Variants in MYO3B observed in about 807,000 individuals in gnomAD.
MYO3B encodes myosin IIIB, also known as myosin-IIIb.
A neutral mutation model predicts 174.6 loss-of-function variants in MYO3B; 156 were observed. That is an observed-to-expected ratio of 0.89 (90% confidence interval 0.78 to 1.02). The LOEUF (loss-of-function observed/expected upper bound fraction) is 1.02, where lower values mean the gene tolerates loss of function less well. MYO3B is among the 50% of genes least tolerant of loss of function. The pLI is 0.00. For missense variants in MYO3B, 1,632 were observed against 1,639.4 expected, an observed-to-expected ratio of 1.00 and a Z score of 0.08; for synonymous variants, 563 against 569.1, an observed-to-expected ratio of 0.99 and a Z score of 0.15.
chr2:170,595,571 T>C (rs943128301), intron 32 of MYO3B, among the ~76,000 whole-genome samples: 1 of 152,124 alleles, frequency 6.6e-6, no homozygotes, highest in African/African-American at 2.4e-5. Context: ...CCTGAGTAGC[T>C]GGGACCAGGT....
chr2:170,491,624 ACCCC>A (rs1228942246), intron 25 of MYO3B, among the ~76,000 whole-genome samples: 4 of 151,774 alleles, frequency 2.6e-5, no homozygotes, highest in Admixed American at 2.6e-4. Flanking sequence ...ACGGGGTTTC[ACCCC>A]CTTAGCCAGG....
rs762275495 is a variant in MYO3B, at chr2:170,400,270, A to G, written c.1874A>G (p.Gln625Arg). 2.5e-6 allele frequency: 4 copies of G among 1,614,154 alleles called. No individual in the cohort carries two copies. The South Asian group carries it at 4.4e-5, about 18-fold the overall frequency. Residue 625 changes from glutamine to arginine, a missense_variant, in exon 17 of 35, where the codon CAG (glutamine) becomes CGG (arginine). By Grantham distance (43) the Gln-to-Arg change is conservative. Coordinates refer to ENST00000408978, the MANE Select transcript of MYO3B (RefSeq NM_138995.5). ...IEFAAISSQH[Q>R]TDKSEVPNAE... ...TTCGCAGCTATTTCCTCTCAACATC[A>G]GACTGATAAAAGTGAGGTGCCCAAT...
At chr2:170,353,888 C>G (rs926642786) in intron 8 of MYO3B, among the ~76,000 whole-genome samples, 5 of 152,026 alleles carry the variant, frequency 3.3e-5, no homozygotes, top group African/African-American at 9.7e-5. Context: ...GCTAGCAAAG[C>G]CAGATCAATA....
intron 32 of MYO3B, among the ~76,000 whole-genome samples, chr2:170,557,161 A>C (rs1691377419): frequency 1.6e-5 from 2 of 128,466 alleles, no homozygotes; most frequent in Admixed American, 8.4e-5. Flanking sequence ...TTTTTTTGAG[A>C]CGGAGTCTCG....
At position 170,214,882 on chromosome 2, in the gene MYO3B, A is replaced by G; in HGVS notation, c.526+54A>G. 2 of 1,339,614 alleles carry G rather than the reference A, an allele frequency of 1.5e-6. 1 individual carries two copies. Among genetic ancestry groups the G allele is most frequent in the South Asian group, 2.4e-5 (2 of 84,436 alleles). The allele number at this position is 1,339,614 out of a possible 1,614,324, so 83.0% of individuals were successfully genotyped here. ...GACGTGTGCAGTTTAGCCAAAGGGG[A>G]CAATTTATTGCAATCTCAGAAGACT... On this transcript the variant is annotated intron_variant, in intron 5 of 34. Transcript: ENST00000408978.
chr2:170,529,455 T>C (rs900774369), intron 30 of MYO3B, among the ~76,000 whole-genome samples: 3 of 148,998 alleles, frequency 2.0e-5, no homozygotes, highest in African/African-American at 4.9e-5. Context: ...CCTTCTTCCT[T>C]TTTTTTCTTT....
chr2:170,619,620 G>A (rs902674325), intron 32 of MYO3B, among the ~76,000 whole-genome samples: 13 of 151,734 alleles, frequency 8.6e-5, no homozygotes, highest in Non-Finnish European at 1.5e-4. Flanking sequence ...ACAGGACTGC[G>A]TTACCATGTG....
intron 1 of MYO3B, among the ~76,000 whole-genome samples, chr2:170,185,065 C>T (rs2092446467): frequency 6.6e-6 from 1 of 151,928 alleles, no homozygotes; most frequent in Admixed American, 6.6e-5. Context: ...CTTATATATT[C>T]TCATTATTAA....
At chr2:170,394,834 G>A (rs1236642188) in intron 16 of MYO3B, among the ~76,000 whole-genome samples, 1 of 152,188 alleles carries the variant, frequency 6.6e-6, no homozygotes, top group Non-Finnish European at 1.5e-5. Flanking sequence ...AAAAAGTAGT[G>A]TGACTAAATT....
At chr2:170,336,574 A>T (rs1447957844) in intron 8 of MYO3B, among the ~76,000 whole-genome samples, 2 of 152,130 alleles carry the variant, frequency 1.3e-5, no homozygotes, top group Admixed American at 6.6e-5. Context: ...TTTGATGGTA[A>T]CATATGACCT....
chr2:170,253,328 A>G (rs2093273471), intron 7 of MYO3B, among the ~76,000 whole-genome samples: 1 of 152,214 alleles, frequency 6.6e-6, no homozygotes, highest in Admixed American at 6.5e-5. Flanking sequence ...GAAAATCTCA[A>G]GATTTTTGGC....
At chr2:170,242,444 G>A (rs368847128) in intron 7 of MYO3B, among the ~76,000 whole-genome samples, 2 of 152,298 alleles carry the variant, frequency 1.3e-5, no homozygotes, top group African/African-American at 4.8e-5. Flanking sequence ...GTAGCTGGAG[G>A]CATCTGGCAG....
chr2:170,365,514 G>A (rs973957423), intron 8 of MYO3B, among the ~76,000 whole-genome samples: 1 of 152,146 alleles, frequency 6.6e-6, no homozygotes, highest in Non-Finnish European at 1.5e-5. Context: ...ATGATGCTAT[G>A]CCCTCATATC....
At position 170,402,931 on chromosome 2, in the gene MYO3B, G is replaced by T; in HGVS notation, c.2213G>T (p.Cys738Phe). The T allele has an allele frequency of 1.2e-6, 2 of 1,611,406 alleles. No homozygotes were observed. Among genetic ancestry groups the T allele is most frequent in the Non-Finnish European group, 1.7e-6 (2 of 1,177,990 alleles). ...NFQRNSFEQL[C>F]INIANEQIQY... Reference sequence around the variant, plus strand: ...CAGAGAAATTCATTTGAGCAGCTCTGCATAAACATCGCCAATGAGCAAATC... The same window carrying T: ...CAGAGAAATTCATTTGAGCAGCTCTTCATAAACATCGCCAATGAGCAAATC... The change falls in exon 19 of 35, where the codon TGC becomes TTC. Residue 738 changes from cysteine to phenylalanine, a missense_variant. Transcript: ENST00000408978.
chr2:170,310,261 C>G (rs78667236), intron 7 of MYO3B, among the ~76,000 whole-genome samples: 9,498 of 152,158 alleles, frequency 0.062, 329 homozygotes, highest in Middle Eastern at 0.13. Flanking sequence ...GATGATTGCC[C>G]GTGACAGTGC....
chr2:170,524,375 C>G (rs1488383620), intron 30 of MYO3B: 1 of 356,822 alleles, frequency 2.8e-6, no homozygotes, highest in Non-Finnish European at 5.5e-6. Flanking sequence ...CAGGGTCACA[C>G]AGAATAAATG....
At chr2:170,359,320 T>C (rs2094144605) in intron 8 of MYO3B, among the ~76,000 whole-genome samples, 1 of 152,212 alleles carries the variant, frequency 6.6e-6, no homozygotes, top group Non-Finnish European at 1.5e-5. Context: ...TGTCTTCAAG[T>C]TCCAGGGCTA....
At chr2:170,625,365 T>G (rs1280594792) in intron 32 of MYO3B, among the ~76,000 whole-genome samples, 2 of 152,230 alleles carry the variant, frequency 1.3e-5, no homozygotes, top group Non-Finnish European at 2.9e-5. Flanking sequence ...GAGGTGTTTA[T>G]AGTATTCTCT....
chr2:170,331,621 C>T (rs1289889401), intron 7 of MYO3B, among the ~76,000 whole-genome samples: 1 of 152,072 alleles, frequency 6.6e-6, no homozygotes, highest in Non-Finnish European at 1.5e-5. Flanking sequence ...TAGAGTCTGC[C>T]ATGGGTCTCA....
Sources: gnomAD v4.1 joint callset for allele counts (sites outside exome capture counted in the v4.1 genomes callset) on GRCh38, gnomAD v4.1.1 for gene constraint, MANE v1.5 for transcripts, NCBI Gene and HGNC (gene_info 2026-07-23, HGNC 2026-07-21) for gene names.